The following NEDD1 variants were observed in gnomAD, a reference collection of about 807,000 sequenced individuals.
The protein encoded by NEDD1 is protein NEDD1.
In NEDD1, 33 loss-of-function variants were observed where a neutral mutation model predicts 74.0. That is an observed-to-expected ratio of 0.45 (90% CI 0.34 to 0.60). NEDD1 has a LOEUF of 0.60. NEDD1 is among the 20% of genes least tolerant of loss of function. The pLI, the probability that NEDD1 is intolerant of heterozygous loss-of-function variation, is 0.01. For missense variants in NEDD1, 746 were observed against 776.5 expected, an observed-to-expected ratio of 0.96 and a Z score of 0.47; for synonymous variants, 250 against 264.4, an observed-to-expected ratio of 0.95 and a Z score of 0.53.
intron 10 of NEDD1, among the ~76,000 whole-genome samples, chr12:96,942,013 AT>A (rs1360388908): frequency 6.6e-6 from 1 of 152,104 alleles, no homozygotes; most frequent in Non-Finnish European, 1.5e-5. Context: ...CACCTGTTAA[AT>A]TTGAATTTTA....
chr12:96,913,795 TG>T (rs1565785431), intron 4 of NEDD1, among the ~76,000 whole-genome samples: 4 of 152,170 alleles, frequency 2.6e-5, no homozygotes, highest in Admixed American at 1.3e-4. Flanking sequence ...TAAAAAGATA[TG>T]GTAGTTGATA....
intron 4 of NEDD1, 137 bp downstream of exon 4, chr12:96,912,954 T>C (rs1285621302): frequency 5.4e-6 from 3 of 556,002 alleles, no homozygotes; most frequent in African/African-American, 3.8e-5. Flanking sequence ...AATAATATAG[T>C]AACACTTAAA....
chr12:96,920,150 A>G (rs1178694233), intron 6 of NEDD1, 25 bp downstream of exon 6: 3 of 1,449,806 alleles, frequency 2.1e-6, no homozygotes, highest in Non-Finnish European at 2.8e-6. Context: ...TATTCAGAGT[A>G]AAATTGGTAA....
chr12:96,932,195 T>TC (rs960120024), intron 6 of NEDD1, among the ~76,000 whole-genome samples: 12 of 151,032 alleles, frequency 7.9e-5, no homozygotes, highest in Admixed American at 6.0e-4. Context: ...CGGGATTTTT[T>TC]CCCCCCCATA....
intron 10 of NEDD1, 80 bp from the exon 11 acceptor site, chr12:96,942,495 CTT>C: frequency 1.3e-6 from 1 of 740,768 alleles, no homozygotes; most frequent in Non-Finnish European, 2.4e-6. Flanking sequence ...TCTCTGAACT[CTT>C]TGGGGAATGA....
At chr12:96,907,886 C>T (rs1366989438) in intron 2 of NEDD1, 30 bp downstream of exon 2, 1 of 1,324,754 alleles carries the variant, frequency 7.5e-7, no homozygotes, top group Non-Finnish European at 9.7e-7. Flanking sequence ...TCTTCCCCGC[C>T]CCGCTTTAAG....
intron 6 of NEDD1, among the ~76,000 whole-genome samples, chr12:96,930,791 G>A (rs1336701111): frequency 6.6e-6 from 1 of 152,066 alleles, no homozygotes; most frequent in Non-Finnish European, 1.5e-5. Flanking sequence ...AAGATAGACA[G>A]TCTCAGGCCT....
chr12:96,933,540 A>C (rs1425403371), intron 6 of NEDD1, among the ~76,000 whole-genome samples: 1 of 152,196 alleles, frequency 6.6e-6, no homozygotes, highest in Non-Finnish European at 1.5e-5. Flanking sequence ...TTTCCCAACA[A>C]AAATAAAAAT....
chr12:96,930,206 C>T (rs1365751941), intron 6 of NEDD1, among the ~76,000 whole-genome samples: 1 of 124,936 alleles, frequency 8.0e-6, no homozygotes, highest in Non-Finnish European at 1.6e-5. Flanking sequence ...CACACACACA[C>T]ACACACTCTC....
chr12:96,950,332 T>A (rs1443218293), intron 14 of NEDD1, among the ~76,000 whole-genome samples: 1 of 152,032 alleles, frequency 6.6e-6, no homozygotes, highest in Non-Finnish European at 1.5e-5. Flanking sequence ...CATCCATTGA[T>A]AACTACCTTT....
At chr12:96,936,588 A>G in intron 7 of NEDD1, 23 bp from the exon 8 acceptor site, 1 of 1,555,702 alleles carries the variant, frequency 6.4e-7, no homozygotes, top group Non-Finnish European at 8.9e-7. Flanking sequence ...ATTTCTACAC[A>G]TACTTTGTTC....
chr12:96,920,896 T>C (rs895001729), intron 6 of NEDD1, among the ~76,000 whole-genome samples: 15 of 152,130 alleles, frequency 9.9e-5, no homozygotes, highest in African/African-American at 3.4e-4. Context: ...AAAAATTTAG[T>C]GGATATGAAA....
At chr12:96,951,741 A>G (rs2136635694) in intron 15 of NEDD1, among the ~76,000 whole-genome samples, 1 of 151,876 alleles carries the variant, frequency 6.6e-6, no homozygotes, top group South Asian at 2.1e-4. Flanking sequence ...AGCATTTTAA[A>G]TGTGCAAATA....
At chr12:96,936,907 G>T in intron 8 of NEDD1, 95 bp downstream of exon 8, 1 of 706,620 alleles carries the variant, frequency 1.4e-6, no homozygotes, top group South Asian at 2.3e-5. Flanking sequence ...GTATAGTTTT[G>T]TTTCATAATT....
intron 2 of NEDD1, among the ~76,000 whole-genome samples, chr12:96,908,948 G>A (rs1873610570): frequency 6.6e-6 from 1 of 151,982 alleles, no homozygotes; most frequent in African/African-American, 2.4e-5. Flanking sequence ...AGGCTGAGGC[G>A]GGCAGATCAC....
At chr12:96,915,293 A>G (rs1874320645) in intron 4 of NEDD1, among the ~76,000 whole-genome samples, 1 of 152,224 alleles carries the variant, frequency 6.6e-6, no homozygotes, top group Non-Finnish European at 1.5e-5. Context: ...CGTTGGATCC[A>G]TGTGGAAGAA....
intron 6 of NEDD1, 38 bp from the exon 7 acceptor site, chr12:96,934,936 TGC>T: frequency 2.3e-6 from 3 of 1,321,916 alleles, no homozygotes; most frequent in African/African-American, 2.9e-5. Flanking sequence ...TCCTTATGAA[TGC>T]TTATAATTAC....
intron 14 of NEDD1, among the ~76,000 whole-genome samples, chr12:96,950,744 A>G (rs1354943804): frequency 2.0e-5 from 3 of 151,922 alleles, no homozygotes; most frequent in Admixed American, 2.0e-4. Flanking sequence ...GCTTTTTCCC[A>G]AGAGTTAAGT....
intron 6 of NEDD1, among the ~76,000 whole-genome samples, chr12:96,928,985 C>T (rs1296017345): frequency 9.9e-5 from 15 of 151,778 alleles, no homozygotes; most frequent in African/African-American, 3.1e-4. Flanking sequence ...CCACCACCCC[C>T]GGCCCATAGT....
Sources: gnomAD v4.1 joint callset for allele counts (sites outside exome capture counted in the v4.1 genomes callset) on GRCh38, gnomAD v4.1.1 for gene constraint, MANE v1.5 for transcripts, NCBI Gene and HGNC (gene_info 2026-07-23, HGNC 2026-07-21) for gene names.